TRIM66: variants seen among roughly 807,000 people sequenced by gnomAD.
TRIM66 encodes tripartite motif-containing protein 66.
TRIM66 carries 99 observed loss-of-function variants against 148.2 expected under a neutral mutation model. The observed-to-expected ratio is 0.67, with a 90% CI of 0.57 to 0.79. The LOEUF (loss-of-function observed/expected upper bound fraction) is 0.79, where lower values mean the gene tolerates loss of function less well. Among genes scored for constraint, TRIM66 ranks in the 30% least tolerant of loss-of-function variants. The pLI, the probability that TRIM66 is intolerant of heterozygous loss-of-function variation, is 0.00. For missense variants in TRIM66, 1,666 were observed against 1,697.9 expected, an observed-to-expected ratio of 0.98 and a Z score of 0.33; for synonymous variants, 616 against 635.9, an observed-to-expected ratio of 0.97 and a Z score of 0.47.
chr11:8,627,686 C>A (rs2034985428), intron 15 of TRIM66, among the ~76,000 whole-genome samples: 2 of 152,068 alleles, frequency 1.3e-5, no homozygotes. Flanking sequence ...ATTTCCATTT[C>A]TCTTTATTGT....
intron 17 of TRIM66, 45 bp downstream of exon 17, chr11:8,624,314 C>G (rs1565481029): frequency 9.7e-6 from 15 of 1,540,586 alleles, no homozygotes; most frequent in Non-Finnish European, 1.3e-5. Context: ...AGTCCATCTG[C>G]TCAAGTCTGT....
At chr11:8,654,482 T>C (rs2037642257) in intron 6 of TRIM66, 1 of 152,248 alleles carries the variant, frequency 6.6e-6, no homozygotes, top group African/African-American at 2.4e-5. Flanking sequence ...TCCCCCGGGA[T>C]GAGTTAATTA....
chr11:8,615,303 T>C lies in TRIM66; in HGVS notation c.*2641A>G, dbSNP rs1378292892. ...CCCCTTGCATCAACTGAAGCCATTT[T>C]ACTGTCTTATTTCTCAGCATACCCA... On this transcript the variant is annotated 3_prime_UTR_variant, in exon 25 of 25. Coordinates refer to ENST00000646038, the MANE Select transcript of TRIM66 (RefSeq NM_001388022.1). 1 of 152,218 alleles carries C rather than the reference T, an allele frequency of 6.6e-6. No individual in the cohort carries two copies. The highest frequency in any genetic ancestry group is 1.9e-4 in the East Asian group (1 of 5,200). The allele number at this position is 152,218 out of a possible 1,614,324, so 9.4% of individuals were successfully genotyped here. A position where few individuals can be genotyped will look rare whatever the true frequency, so the allele number is the denominator to read the frequency against.
At chr11:8,619,234 C>T in intron 23 of TRIM66, 149 bp downstream of exon 23, 1 of 963,490 alleles carries the variant, frequency 1.0e-6, no homozygotes. Context: ...TGGGAGAGAG[C>T]TTTTAAACAC....
At chr11:8,675,290 C>A (rs1451336150) in intron 3 of TRIM66, among the ~76,000 whole-genome samples, 2 of 152,330 alleles carry the variant, frequency 1.3e-5, no homozygotes, top group South Asian at 4.1e-4. Flanking sequence ...TTTGCTTGAA[C>A]GCTTGAATTT....
Position 8,618,019 on chromosome 11 carries a change from A to G in TRIM66, c.4120-16T>C, listed in dbSNP as rs563636422. 2.5e-5 allele frequency: 38 copies of G among 1,550,708 alleles called. No individual in the cohort carries two copies. The East Asian group carries it at 8.1e-4, about 33-fold the overall frequency. Reference sequence around the variant, plus strand: ...TTTCATTCTCCTGAAAGAAAAATATATATTTGGAATTAAAATAGCCAAATG... The same window carrying G: ...TTTCATTCTCCTGAAAGAAAAATATGTATTTGGAATTAAAATAGCCAAATG... On this transcript the variant is annotated splice_polypyrimidine_tract_variant and intron_variant, in intron 24 of 24. Transcript: ENST00000646038.
In TRIM66 at chr11:8,614,392, G is replaced by A. The variant is rs1202481167; in HGVS notation, c.*3552C>T. 6.6e-6 allele frequency: 1 copy of A among 152,174 alleles called. No individual in the cohort carries two copies. The highest frequency in any genetic ancestry group is 1.5e-5 in the Non-Finnish European group (1 of 68,088). The allele number at this position is 152,174 out of a possible 1,614,324, so 9.4% of individuals were successfully genotyped here. On this transcript the variant is annotated 3_prime_UTR_variant, in exon 25 of 25. Coordinates refer to ENST00000646038, the MANE Select transcript of TRIM66 (RefSeq NM_001388022.1). The stretch of plus-strand genomic sequence containing the variant: ...AAATAAATAAAGTTGAAGGGCATGA[G>A]AAAGTTCAGGATGCTGACAAAAACA...
chr11:8,638,070 C>A (rs745518584), intron 15 of TRIM66, among the ~76,000 whole-genome samples: 5 of 152,202 alleles, frequency 3.3e-5, no homozygotes, highest in Non-Finnish European at 5.9e-5. Context: ...TGCTCATCTA[C>A]CTCTGTAGAA....
intron 6 of TRIM66, among the ~76,000 whole-genome samples, chr11:8,660,783 G>C (rs914176495): frequency 1.3e-5 from 2 of 152,210 alleles, no homozygotes; most frequent in Admixed American, 6.5e-5. Context: ...GGTCACATCT[G>C]AGCTGGACCT....
At chr11:8,666,266 G>A (rs1377522596) in intron 6 of TRIM66, among the ~76,000 whole-genome samples, 1 of 148,412 alleles carries the variant, frequency 6.7e-6, no homozygotes, top group Non-Finnish European at 1.5e-5. Flanking sequence ...TTGAACCCGG[G>A]AGGCAGAGGT....
chr11:8,642,919 C>A, intron 13 of TRIM66, 90 bp downstream of exon 13: 6 of 495,672 alleles, frequency 1.2e-5, no homozygotes, highest in Non-Finnish European at 9.1e-6. Flanking sequence ...AGTGCTTTCT[C>A]TTGGGCATAT....
At chr11:8,628,233 C>G (rs2035039686) in intron 15 of TRIM66, among the ~76,000 whole-genome samples, 1 of 152,090 alleles carries the variant, frequency 6.6e-6, no homozygotes, top group South Asian at 2.1e-4. Flanking sequence ...GTGATAGTAG[C>G]CATCCTAGTC....
Position 8,640,921 on chromosome 11 carries a change from C to A in TRIM66, c.1454G>T (p.Ser485Ile). Reference sequence around the variant, plus strand: ...CCTGAAGCTGTGGGCTGGGTGTATGCTGGGTGGGGGGACCTGGCCTTTGAG... The same window carrying A: ...CCTGAAGCTGTGGGCTGGGTGTATGATGGGTGGGGGGACCTGGCCTTTGAG... Reference protein sequence around the residue: ...PSLKGQVPPPSIHPAHSFRQP... With the variant: ...PSLKGQVPPPIIHPAHSFRQP... Residue 485 changes from serine to isoleucine, a missense_variant, in exon 14 of 25, where the codon AGC (serine) becomes ATC (isoleucine). Coordinates refer to ENST00000646038, the MANE Select transcript of TRIM66 (RefSeq NM_001388022.1). 2.6e-6 allele frequency: 4 copies of A among 1,550,726 alleles called. No homozygotes were observed. The highest frequency in any genetic ancestry group is 3.5e-6 in the Non-Finnish European group (4 of 1,146,914).
intron 6 of TRIM66, among the ~76,000 whole-genome samples, chr11:8,666,403 T>G (rs1387867512): frequency 3.4e-5 from 5 of 149,204 alleles, no homozygotes; most frequent in Admixed American, 3.3e-4. Flanking sequence ...ACATATTATA[T>G]GAGAAATTGA....
At position 8,618,873 on chromosome 11, in the gene TRIM66, T is replaced by C. The variant is rs1370044982; in HGVS notation, c.3996A>G (p.Pro1332=). The change falls in exon 24 of 25, where the codon CCA becomes CCG. Residue 1332 remains proline (P), a synonymous_variant. Coordinates refer to ENST00000646038, the MANE Select transcript of TRIM66 (RefSeq NM_001388022.1). ...CCTCGGAGTCTGAGTCCTCCTGCCT[T>C]GGCTGGGCAAACCGTTTCTCCGGGT... ...EIYPEKRFAQ[P]RQEDSDSEEV... is the part of the protein sequence containing the mutation. 3 of 1,551,446 alleles carry C rather than the reference T, an allele frequency of 1.9e-6. No individual in the cohort carries two copies.
chr11:8,621,907 GATTAAT>G, intron 18 of TRIM66, 88 bp from the exon 19 acceptor site: 2 of 1,277,630 alleles, frequency 1.6e-6, no homozygotes, highest in Non-Finnish European at 2.1e-6. Context: ...TCCCTGTGAT[GATTAAT>G]ATTGAGTGTC....
Position 8,618,897 on chromosome 11 carries a change from G to T in TRIM66, c.3972C>A (p.Tyr1324Ter). ...TTGGCTGGGCAAACCGTTTCTCCGG[G>T]TAGATCTCCTTCAACCAGCCCTCAA... ...VFFEGWLKEI[Y>*]PEKRFAQPRQ... is the part of the protein sequence containing the mutation. The change falls in exon 24 of 25, where the codon TAC (tyrosine) becomes TAA (stop). Residue 1324 changes from tyrosine to a stop codon, truncating the protein, a stop_gained. Coordinates refer to ENST00000646038, the MANE Select transcript of TRIM66 (RefSeq NM_001388022.1). LOFTEE classifies it high-confidence loss of function. 1 of 1,551,424 alleles carries T rather than the reference G, an allele frequency of 6.4e-7. No individual in the cohort carries two copies. The highest frequency in any genetic ancestry group is 8.7e-7 in the Non-Finnish European group (1 of 1,146,956).
chr11:8,641,217 G>C (rs945582364), intron 13 of TRIM66, 65 bp from the exon 14 acceptor site: 2 of 1,399,328 alleles, frequency 1.4e-6, no homozygotes, highest in African/African-American at 2.9e-5. Flanking sequence ...GCTACTTCCT[G>C]CTCCTGGGAC....
At chr11:8,622,335 AC>A (rs2034318460) in intron 18 of TRIM66, among the ~76,000 whole-genome samples, 1 of 55,282 alleles carries the variant, frequency 1.8e-5, no homozygotes, top group African/African-American at 5.5e-5. Context: ...GTACACACAC[AC>A]ACAACACACA....
Sources: gnomAD v4.1 joint callset for allele counts (sites outside exome capture counted in the v4.1 genomes callset) on GRCh38, gnomAD v4.1.1 for gene constraint, MANE v1.5 for transcripts, NCBI Gene and HGNC (gene_info 2026-07-23, HGNC 2026-07-21) for gene names.